Variants in IDO2 observed in about 807,000 individuals in gnomAD.
IDO2 encodes the protein indoleamine 2,3-dioxygenase-like 1 protein.
In IDO2, 46 loss-of-function variants were observed where a neutral mutation model predicts 45.1. The ratio of observed to expected loss-of-function variants is 1.02; its 90% confidence interval spans 0.80 to 1.30. IDO2 has a LOEUF of 1.30. Ranked by LOEUF, IDO2 falls within the 50% of genes most tolerant of loss-of-function variation. The probability of loss-of-function intolerance (pLI) is 0.00; values close to 1 mark genes in which losing one functional copy is unlikely to be tolerated. For missense variants in IDO2, 544 were observed against 491.8 expected, an observed-to-expected ratio of 1.11 and a Z score of -1.00; for synonymous variants, 218 against 184.9, an observed-to-expected ratio of 1.18 and a Z score of -1.45.
intron 8 of IDO2, chr8:39,994,996 C>T (rs1263444979): frequency 6.6e-6 from 1 of 152,130 alleles, no homozygotes; most frequent in East Asian, 1.9e-4. Context: ...TGTTCATAGC[C>T]CTCGCTCGCT....
intron 8 of IDO2, among the ~76,000 whole-genome samples, chr8:40,003,391 AGAAAAC>A (rs1357641183): frequency 7.0e-6 from 1 of 143,008 alleles, no homozygotes; most frequent in South Asian, 2.1e-4. Context: ...AAAAAAAAAA[AGAAAAC>A]GAGAATATAT....
chr8:40,010,685 C>A (rs1802297278), intron 9 of IDO2, among the ~76,000 whole-genome samples: 1 of 152,036 alleles, frequency 6.6e-6, no homozygotes, highest in African/African-American at 2.4e-5. Flanking sequence ...AGATAATTTG[C>A]AGGTTTTGGG....
At chr8:39,995,198 C>CTCA in intron 8 of IDO2, 1 of 34,658 alleles carries the variant, frequency 2.9e-5, no homozygotes, top group East Asian at 4.9e-4. Flanking sequence ...TCTTCTTCTT[C>CTCA]TTCTCCTTCT....
At chr8:39,969,691 A>G (rs1455323568) in intron 3 of IDO2, among the ~76,000 whole-genome samples, 2 of 152,206 alleles carry the variant, frequency 1.3e-5, no homozygotes, top group Non-Finnish European at 2.9e-5. Flanking sequence ...CCTGGCCAAC[A>G]TGGCGAAACT....
chr8:39,953,754 G>A (rs1481891325), intron 2 of IDO2, among the ~76,000 whole-genome samples: 2 of 151,830 alleles, frequency 1.3e-5, no homozygotes, highest in Non-Finnish European at 1.5e-5. Flanking sequence ...TTTAGTAGAC[G>A]GGGTTTCGCC....
chr8:40,006,568 C>A (rs1023565319), intron 9 of IDO2, among the ~76,000 whole-genome samples: 2 of 152,128 alleles, frequency 1.3e-5, no homozygotes, highest in South Asian at 4.1e-4. Context: ...CTACCCCAAA[C>A]CATTTTTTTC....
intron 3 of IDO2, among the ~76,000 whole-genome samples, chr8:39,972,485 C>T (rs1279315949): frequency 6.6e-6 from 1 of 151,748 alleles, no homozygotes. Context: ...TGGCAGGCTC[C>T]TGTGATCCCA....
At chr8:39,968,052 T>C (rs1808118182) in intron 3 of IDO2, among the ~76,000 whole-genome samples, 2 of 149,222 alleles carry the variant, frequency 1.3e-5, no homozygotes. Flanking sequence ...TATATGAATG[T>C]TTATAACAGC....
At chr8:39,959,590 G>C (rs1416154295) in intron 2 of IDO2, among the ~76,000 whole-genome samples, 1 of 119,852 alleles carries the variant, frequency 8.3e-6, no homozygotes, top group Non-Finnish European at 1.9e-5. Flanking sequence ...GAGAGGCTGA[G>C]GCAGGTGGAT....
intron 3 of IDO2, among the ~76,000 whole-genome samples, chr8:39,965,898 G>A (rs1325591399): frequency 1.1e-4 from 1 of 9,134 alleles, no homozygotes; most frequent in African/African-American, 1.5e-4. Flanking sequence ...CTTAATTTGG[G>A]ACTTCTATGA....
intron 2 of IDO2, among the ~76,000 whole-genome samples, chr8:39,952,446 G>A (rs1055302247): frequency 6.6e-6 from 1 of 152,144 alleles, no homozygotes; most frequent in African/African-American, 2.4e-5. Context: ...TGAAGAAAAC[G>A]TGGTCAAGAC....
At chr8:39,998,890 T>A (rs1046263242) in intron 8 of IDO2, among the ~76,000 whole-genome samples, 2 of 151,924 alleles carry the variant, frequency 1.3e-5, no homozygotes, top group East Asian at 3.9e-4. Context: ...AAATCCACCT[T>A]CCTCAGCCTC....
At chr8:40,015,965 T>A (rs3739322) in exon 11 of IDO2, 71,857 of 258,948 alleles carry the variant, frequency 0.28, 7,647 homozygotes, top group East Asian at 0.42. Context: ...TTGATTTTCT[T>A]AAAAAACAAA....
intron 8 of IDO2, 142 bp from the exon 9 acceptor site, chr8:40,005,185 C>G (rs1802201845): frequency 2.1e-6 from 1 of 486,278 alleles, no homozygotes; most frequent in Non-Finnish European, 3.8e-6. Flanking sequence ...AACATTCTAT[C>G]CCCCGTTGCT....
At chr8:40,015,382 A>G (rs1802372367) in exon 11 of IDO2, 1 of 1,613,890 alleles carries the variant, frequency 6.2e-7, no homozygotes, top group Non-Finnish European at 8.5e-7. Context: ...GCTTATAACC[A>G]GTGTGTGCAG....
intron 9 of IDO2, among the ~76,000 whole-genome samples, chr8:40,006,643 A>ATTATTTTATT (rs138004689): frequency 0.43 from 62,424 of 146,590 alleles, 13,830 homozygotes; most frequent in South Asian, 0.51. Flanking sequence ...GAACTCTACT[A>ATTATTTTATT]TTATTTTATT....
At chr8:39,989,804 T>C (rs761248194) in exon 8 of IDO2, 86 of 1,602,366 alleles carry the variant, frequency 5.4e-5, no homozygotes, top group Non-Finnish European at 7.2e-5. Context: ...GACTGTCTAT[T>C]CAGGACATCA....
rs776777468 is a variant in IDO2, at chr8:39,963,786, A to G, written c.195+83A>G. The G allele has an allele frequency of 1.0e-5, 8 of 789,944 alleles. 1 individual carries two copies. The highest frequency in any genetic ancestry group is 4.6e-4 in the Middle Eastern group (2 of 4,356). 48.9% of individuals were successfully genotyped at this position (789,944 alleles called of 1,614,324 possible). ...TTCTTAGCCTTGTGGAAGTGTGTCA[A>G]TTGTCCTGGGAAACTGTTCATTACC... On this transcript the variant is annotated intron_variant, in intron 3 of 10. Transcript: ENST00000502986.
At chr8:39,954,900 G>A (rs888708078) in intron 2 of IDO2, among the ~76,000 whole-genome samples, 3 of 151,214 alleles carry the variant, frequency 2.0e-5, no homozygotes, top group South Asian at 2.1e-4. Context: ...CAAGTGATCC[G>A]CGCACCTCGG....
Sources: gnomAD v4.1 joint callset for allele counts (sites outside exome capture counted in the v4.1 genomes callset) on GRCh38, gnomAD v4.1.1 for gene constraint, MANE v1.5 for transcripts, NCBI Gene and HGNC (gene_info 2026-07-23, HGNC 2026-07-21) for gene names.